ZNF675: variants seen among roughly 807,000 people sequenced by gnomAD.
ZNF675 encodes the protein zinc finger protein 675.
Under a neutral mutation model 56.1 loss-of-function variants are expected in ZNF675, and 36 were observed. The ratio of observed to expected loss-of-function variants is 0.64; its 90% CI spans 0.49 to 0.85. The LOEUF (loss-of-function observed/expected upper bound fraction) is 0.85. Among genes scored for constraint, ZNF675 ranks in the 40% least tolerant of loss-of-function variants. The pLI, the probability that ZNF675 is intolerant of heterozygous loss-of-function variation, is 0.00. For missense variants in ZNF675, 663 were observed against 654.2 expected, an observed-to-expected ratio of 1.01 and a Z score of -0.15; for synonymous variants, 200 against 218.9, an observed-to-expected ratio of 0.91 and a Z score of 0.76.
intron 3 of ZNF675, chr19:23,655,387 G>GCTTCT: frequency 6.5e-6 from 1 of 153,088 alleles, no homozygotes; most frequent in African/African-American, 2.4e-5. Context: ...TTCTGGTGAG[G>GCTTCT]GTCTCAGGAA....
In ZNF675 at chr19:23,653,720, A is replaced by C. The variant is rs1392743760; in HGVS notation, c.1213T>G (p.Phe405Val). 12 of 1,613,606 alleles carry C rather than the reference A, an allele frequency of 7.4e-6. 1 individual carries two copies. The highest frequency in any genetic ancestry group is 1.6e-4 in the Middle Eastern group (1 of 6,080). Residue 405 changes from phenylalanine (F) to valine (V), a missense_variant, in exon 4 of 4, where the codon TTT becomes GTT. Transcript: ENST00000359788. ...GTAGTAAGGGCTGAGGAGTGTTTAA[A>C]AGCTTTGCCACATTCTTTACATTTG... ...PYKCKECGKA[F>V]KHSSALTTHK... is the part of the protein sequence containing the mutation.
chr19:23,676,262 T>G (rs1050790365), intron 1 of ZNF675, among the ~76,000 whole-genome samples: 18 of 151,698 alleles, frequency 1.2e-4, no homozygotes, highest in Non-Finnish European at 1.3e-4. Context: ...ACAGCTGAAT[T>G]CTACCAGATG....
chr19:23,681,131 T>C (rs1200503486), intron 1 of ZNF675, among the ~76,000 whole-genome samples: 1 of 151,716 alleles, frequency 6.6e-6, no homozygotes, highest in African/African-American at 2.4e-5. Context: ...CAGAAGAGAT[T>C]ATGAACAGTT....
chr19:23,654,785 A>C, intron 3 of ZNF675, 79 bp from the exon 4 acceptor site: 1 of 1,218,066 alleles, frequency 8.2e-7, no homozygotes, highest in African/African-American at 1.5e-5. Flanking sequence ...AAAATTACAC[A>C]AACTACATAA....
At chr19:23,657,650 G>A (rs1183958177) in intron 3 of ZNF675, among the ~76,000 whole-genome samples, 1 of 152,178 alleles carries the variant, frequency 6.6e-6, no homozygotes, top group Non-Finnish European at 1.5e-5. Flanking sequence ...CTGGGAGGCA[G>A]AGGTTGCAGT....
chr19:23,664,378 G>A (rs1159359493), intron 1 of ZNF675, among the ~76,000 whole-genome samples: 1 of 152,124 alleles, frequency 6.6e-6, no homozygotes, highest in Non-Finnish European at 1.5e-5. Context: ...ACCCATTTCT[G>A]TCCTTCATAC....
chr19:23,663,107 G>C lies in ZNF675; in HGVS notation c.55C>G (p.Gln19Glu). Residue 19 changes from glutamine to glutamate, a missense_variant, in exon 2 of 4, where the codon CAA becomes GAA. Coordinates refer to ENST00000359788, the MANE Select transcript of ZNF675 (RefSeq NM_138330.3). ...VAIEFSLEEW[Q>E]CLDTAQRNLY... ...TTCCGCTGTGCAGTGTCCAGGCATT[G>C]CCATTCTTCCAGAGAGAATTCTATG... is the stretch of plus-strand genomic sequence containing the variant. 6.2e-7 allele frequency: 1 copy of C among 1,610,422 alleles called. No individual in the cohort carries two copies.
Position 23,687,019 on chromosome 19 carries a change from C to A in ZNF675, c.3+12G>T. ...CTTCCCCCTCTCGGGATGTCGCACC[C>A]GTAACTCTCACCATTTCTAGGCTTC... On this transcript the variant is annotated intron_variant, in intron 1 of 3. Transcript: ENST00000359788. 1 of 1,613,708 alleles carries A rather than the reference C, an allele frequency of 6.2e-7. No homozygotes were observed. Among genetic ancestry groups the A allele is most frequent in the Non-Finnish European group, 8.5e-7 (1 of 1,179,736 alleles).
At chr19:23,672,412 A>G (rs1347888481) in intron 1 of ZNF675, among the ~76,000 whole-genome samples, 1 of 152,120 alleles carries the variant, frequency 6.6e-6, no homozygotes, top group African/African-American at 2.4e-5. Context: ...CCCTCACATA[A>G]CTGTAGAAAG....
At chr19:23,673,607 A>AT (rs1968253220) in intron 1 of ZNF675, among the ~76,000 whole-genome samples, 1 of 152,210 alleles carries the variant, frequency 6.6e-6, no homozygotes, top group African/African-American at 2.4e-5. Flanking sequence ...TTGGCACCTT[A>AT]TATGTTTCTA....
rs1167101759 is a variant in ZNF675 at position 23,687,078 on chromosome 19, C to G, written c.-45G>C. ...CCTGGAGTCTTAGCTGTGGATCTCT[C>G]AATTTCTGCAGGTCACAGGCCCACA... On this transcript the variant is annotated 5_prime_UTR_variant, in exon 1 of 4. Coordinates refer to ENST00000359788, the MANE Select transcript of ZNF675 (RefSeq NM_138330.3). 2 of 1,612,320 alleles carry G rather than the reference C, an allele frequency of 1.2e-6. No individual in the cohort carries two copies. Among genetic ancestry groups the G allele is most frequent in the Non-Finnish European group, 1.7e-6 (2 of 1,178,938 alleles).
intron 1 of ZNF675, among the ~76,000 whole-genome samples, chr19:23,668,726 C>A: frequency 6.6e-6 from 1 of 152,214 alleles, no homozygotes; most frequent in East Asian, 1.9e-4. Flanking sequence ...AGTGGGCTGG[C>A]ACTGCTGGGG....
At chr19:23,662,075 T>A (rs1221956140) in intron 3 of ZNF675, 39 bp downstream of exon 3, 1 of 1,438,594 alleles carries the variant, frequency 7.0e-7, no homozygotes. Flanking sequence ...GGACCTCTCA[T>A]CAGTGTCACC....
At chr19:23,685,141 A>G (rs1027084398) in intron 1 of ZNF675, among the ~76,000 whole-genome samples, 1 of 151,954 alleles carries the variant, frequency 6.6e-6, no homozygotes, top group South Asian at 2.1e-4. Flanking sequence ...ATTTTTTTGT[A>G]TTTAGTAGAG....
intron 1 of ZNF675, among the ~76,000 whole-genome samples, chr19:23,683,116 G>C (rs1356651629): frequency 6.6e-6 from 1 of 151,334 alleles, no homozygotes; most frequent in East Asian, 1.9e-4. Context: ...TTGAATCTGG[G>C]AGGCGGAAGG....
Position 23,653,443 on chromosome 19 carries a change from G to GT in ZNF675, c.1489dup (p.Thr497AsnfsTer3), listed in dbSNP as rs866344634. ...CTCCCCAGTATGAATTCTTTTATGT[G>GT]TAGTAAGGGATGAGGAGTGTTTAAA... is the stretch of plus-strand genomic sequence containing the variant. On this transcript the variant is annotated frameshift_variant, in exon 4 of 4. Coordinates refer to ENST00000359788, the MANE Select transcript of ZNF675 (RefSeq NM_138330.3). LOFTEE classifies it high-confidence loss of function. 22 of 1,610,964 alleles carry GT rather than the reference G, an allele frequency of 1.4e-5. No homozygotes were observed. The highest frequency in any genetic ancestry group is 1.9e-5 in the Non-Finnish European group (22 of 1,179,230).
In ZNF675 at chr19:23,653,055, G is replaced by T; in HGVS notation, c.*171C>A. 1.6e-6 allele frequency: 1 copy of T among 630,242 alleles called. No individual in the cohort carries two copies. Among genetic ancestry groups the T allele is most frequent in the Non-Finnish European group, 2.6e-6 (1 of 385,248 alleles). The allele number at this position is 630,242 out of a possible 1,614,324, so 39.0% of individuals were successfully genotyped here. A position where few individuals can be genotyped will look rare whatever the true frequency, so the allele number is the denominator to read the frequency against. The stretch of plus-strand genomic sequence containing the variant: ...AATAAGGTTTGAGCCTTAATTAACA[G>T]TATTGCCAAATTCTTCACACTTGTA... On this transcript the variant is annotated 3_prime_UTR_variant, in exon 4 of 4. Coordinates refer to ENST00000359788, the MANE Select transcript of ZNF675 (RefSeq NM_138330.3).
At position 23,687,173 on chromosome 19, in the gene ZNF675, G is replaced by A. The variant is rs539798819; in HGVS notation, c.-140C>T. The A allele has an allele frequency of 5.7e-6, 6 of 1,060,688 alleles. No homozygotes were observed. The highest frequency in any genetic ancestry group is 2.8e-6 in the Non-Finnish European group (2 of 704,490). 65.7% of individuals were successfully genotyped at this position (1,060,688 alleles called of 1,614,324 possible). A position where few individuals can be genotyped will look rare whatever the true frequency, so the allele number is the denominator to read the frequency against. Reference sequence around the variant, plus strand: ...AGACCTGGAGCTCCGGCTGCAGCGAGAGACAAAGGCGCCGCCAAATCCCGG... The same window carrying A: ...AGACCTGGAGCTCCGGCTGCAGCGAAAGACAAAGGCGCCGCCAAATCCCGG... On this transcript the variant is annotated 5_prime_UTR_variant, in exon 1 of 4. Transcript: ENST00000359788.
At chr19:23,662,964 CAG>C (rs1261740501) in intron 2 of ZNF675, 66 bp downstream of exon 2, 22 of 1,420,688 alleles carry the variant, frequency 1.5e-5, no homozygotes, top group Middle Eastern at 3.9e-4. Flanking sequence ...AGCCTGGTGA[CAG>C]AGCCAGACTC....
Sources: gnomAD v4.1 joint callset for allele counts (sites outside exome capture counted in the v4.1 genomes callset) on GRCh38, gnomAD v4.1.1 for gene constraint, MANE v1.5 for transcripts, NCBI Gene and HGNC (gene_info 2026-07-23, HGNC 2026-07-21) for gene names.